SLC10A3: variants seen among roughly 807,000 people sequenced by gnomAD.
SLC10A3 encodes solute carrier family 10 member 3, also known as P3 protein.
Under a neutral mutation model 1.9 loss-of-function variants are expected in SLC10A3, and 1 was observed. That is an observed-to-expected ratio of 0.52 (90% CI 0.19 to 2.48). The LOEUF (loss-of-function observed/expected upper bound fraction) is 2.48. Among genes scored for constraint, SLC10A3 ranks in the 30% most tolerant of loss-of-function variants. SLC10A3 has a pLI of 0.25. For missense variants in SLC10A3, 317 were observed against 398.5 expected, an observed-to-expected ratio of 0.80 and a Z score of 1.74; for synonymous variants, 202 against 189.3, an observed-to-expected ratio of 1.07 and a Z score of -0.55.
chrX:154,490,228 C>T (rs2069366114), intron 1 of SLC10A3, 79 bp downstream of exon 1: 2 of 889,811 alleles, frequency 2.2e-6, no homozygotes, highest in African/African-American at 2.1e-5. Context: ...ACCCACAAGG[C>T]AGGGGAGGGA....
intron 1 of SLC10A3, 105 bp downstream of exon 1, chrX:154,490,202 G>A (rs2069365724): frequency 2.2e-6 from 2 of 909,122 alleles, no homozygotes; most frequent in Admixed American, 6.2e-5. Flanking sequence ...GGGGCCGACA[G>A]AGTTTGAGCA....
Position 154,488,317 on chromosome X carries a change from C to T in SLC10A3, c.624G>A (p.Gly208=). Residue 208 remains glycine, a synonymous_variant, in exon 2 of 2, where the codon GGG becomes GGA. Transcript: ENST00000651600. ...PLIFVNKCSF[G]CKVELEVLKG... is the part of the protein sequence containing the mutation. ...TCAGAACCTCGAGTTCCACTTTGCA[C>T]CCAAACGAACACTTGTTGACAAAGA... The T allele has an allele frequency of 8.3e-7, 1 of 1,211,380 alleles. No homozygotes were observed. The highest frequency in any genetic ancestry group is 1.1e-6 in the Non-Finnish European group (1 of 895,471).
chrX:154,490,114 C>A, intron 1 of SLC10A3, 193 bp downstream of exon 1: 1 of 944,735 alleles, frequency 1.1e-6, no homozygotes, highest in East Asian at 4.2e-5. Flanking sequence ...ACCCCATGCC[C>A]CATCCCTCCA....
chrX:154,488,040 G>A lies in SLC10A3; in HGVS notation c.901C>T (p.Leu301=), dbSNP rs148894255. Residue 301 remains leucine (L), a synonymous_variant, in exon 2 of 2, where the codon CTG becomes TTG. Transcript: ENST00000651600. ...AGGCGGCTGTAGATGGCCGAAGACA[G>A]AGGCAAGAAGCCAGTGGCAGCCACC... ...STVAATGFLP[L]SSAIYSRLLS... 2 of 1,211,459 alleles carry A rather than the reference G, an allele frequency of 1.7e-6. No individual in the cohort carries two copies. Among genetic ancestry groups the A allele is most frequent in the Non-Finnish European group, 2.2e-6 (2 of 895,429 alleles).
rs1557213175 is a variant in SLC10A3, at chrX:154,487,365, T to C, written c.*142A>G. On this transcript the variant is annotated 3_prime_UTR_variant, in exon 2 of 2. Transcript: ENST00000651600. Reference sequence around the variant, plus strand: ...TCTGGGCAGCGCCCACCTACCTAACTCAGCATGGCCTCTTTGGCACTGAAA... The same window carrying C: ...TCTGGGCAGCGCCCACCTACCTAACCCAGCATGGCCTCTTTGGCACTGAAA... 11 of 786,931 alleles carry C rather than the reference T, an allele frequency of 1.4e-5. No homozygotes were observed. Among genetic ancestry groups the C allele is most frequent in the Non-Finnish European group, 1.8e-6 (1 of 556,823 alleles). 64.9% of individuals were successfully genotyped at this position (786,931 alleles called of 1,213,427 possible). A position where few individuals can be genotyped will look rare whatever the true frequency, so the allele number is the denominator to read the frequency against.
intron 1 of SLC10A3, 50 bp downstream of exon 1, chrX:154,490,257 C>G: frequency 1.2e-6 from 1 of 854,923 alleles, no homozygotes. Flanking sequence ...CCTTCCAAAA[C>G]GGCCAAGTGT....
rs2069351834 is a variant in SLC10A3, at chrX:154,489,092, T to C, written c.-142-10A>G. Reference sequence around the variant, plus strand: ...GATGGCAGGGCTGTCCCTGAGGAGGTAAGGGACACAGAGAGGCAGCTGGTG... The same window carrying C: ...GATGGCAGGGCTGTCCCTGAGGAGGCAAGGGACACAGAGAGGCAGCTGGTG... On this transcript the variant is annotated splice_polypyrimidine_tract_variant and intron_variant, in intron 1 of 1. Coordinates refer to ENST00000651600, the MANE Select transcript of SLC10A3 (RefSeq NM_019848.5). The C allele has an allele frequency of 8.6e-7, 1 of 1,162,244 alleles. No homozygotes were observed. The highest frequency in any genetic ancestry group is 1.1e-6 in the Non-Finnish European group (1 of 870,099).
chrX:154,488,593 G>A lies in SLC10A3; in HGVS notation c.348C>T (p.Thr116=). 8.3e-7 allele frequency: 1 copy of A among 1,211,254 alleles called. No homozygotes were observed. The highest frequency in any genetic ancestry group is 1.1e-6 in the Non-Finnish European group (1 of 895,236). ...RVTSLDTEVL[T]IKNVSAITWG... is the part of the protein sequence containing the mutation. ...AGGTTATAGCACTCACGTTCTTGAT[G>A]GTCAGCACCTCTGTGTCCAGGGAGG... Residue 116 remains threonine, a synonymous_variant, in exon 2 of 2, where the codon ACC becomes ACT. Transcript: ENST00000651600.
chrX:154,490,038 G>C (rs1371607250), intron 1 of SLC10A3: 2 of 1,018,353 alleles, frequency 2.0e-6, no homozygotes, highest in Non-Finnish European at 2.5e-6. Flanking sequence ...CTAAGATGAA[G>C]GCACCAGGAC....
Position 154,490,100 on chromosome X carries a change from A to G in SLC10A3, c.-143+207T>C, listed in dbSNP as rs782508431. The G allele has an allele frequency of 3.3e-5, 31 of 950,585 alleles. No homozygotes were observed. In the South Asian group the frequency reaches 5.1e-4, roughly 16 times the overall value. The allele number at this position is 950,585 out of a possible 1,213,427, so 78.3% of individuals were successfully genotyped here. A position where few individuals can be genotyped will look rare whatever the true frequency, so the allele number is the denominator to read the frequency against. The stretch of plus-strand genomic sequence containing the variant: ...GCTCAGAAGGGAAAGGCTAGGGGCC[A>G]TCCACCCCATGCCCCATCCCTCCAG... On this transcript the variant is annotated intron_variant, in intron 1 of 1. Transcript: ENST00000651600.
chrX:154,488,948 C>A lies in SLC10A3; in HGVS notation c.-8G>T. 8.3e-7 allele frequency: 1 copy of A among 1,202,052 alleles called. No homozygotes were observed. The highest frequency in any genetic ancestry group is 1.1e-6 in the Non-Finnish European group (1 of 890,490). ...GTCCTGCATTAACACCATGGCTCTT[C>A]CTGGAGGACGGATGGCGTGCCCAGG... On this transcript the variant is annotated 5_prime_UTR_variant, in exon 2 of 2. Coordinates refer to ENST00000651600, the MANE Select transcript of SLC10A3 (RefSeq NM_019848.5).
intron 1 of SLC10A3, chrX:154,489,550 A>G (rs1376293178): frequency 2.7e-6 from 2 of 752,543 alleles, no homozygotes; most frequent in Non-Finnish European, 3.1e-6. Context: ...GCTCCTTCCC[A>G]TGCCCACATG....
chrX:154,490,487 G>T lies in SLC10A3; in HGVS notation c.-323C>A. The T allele has an allele frequency of 3.0e-6, 1 of 335,103 alleles. No individual in the cohort carries two copies. Among genetic ancestry groups the T allele is most frequent in the Non-Finnish European group, 3.9e-6 (1 of 256,694 alleles). 27.6% of individuals were successfully genotyped at this position (335,103 alleles called of 1,213,427 possible). On this transcript the variant is annotated 5_prime_UTR_variant, in exon 1 of 2. Transcript: ENST00000651600. Reference sequence around the variant, plus strand: ...CGGCCCCGCCAGGCCTCGCAAACGCGCGGCGGCGGCGGCGGCCCTTCCCTG... The same window carrying T: ...CGGCCCCGCCAGGCCTCGCAAACGCTCGGCGGCGGCGGCGGCCCTTCCCTG...
rs782816780 is a variant in SLC10A3 at position 154,488,696 on chromosome X, C to G, written c.245G>C (p.Ser82Thr). ...SVMEFEFPEDSEGIIVISSQY... is the reference protein window; with the variant it reads ...SVMEFEFPEDTEGIIVISSQY... Reference sequence around the variant, plus strand: ...GCTGGAGATCACGATGATGCCCTCACTGTCCTCAGGAAACTCAAACTCCAT... The same window carrying G: ...GCTGGAGATCACGATGATGCCCTCAGTGTCCTCAGGAAACTCAAACTCCAT... The change falls in exon 2 of 2, where the codon AGT (serine) becomes ACT (threonine). Residue 82 changes from serine to threonine, a missense_variant. Transcript: ENST00000651600. The G allele has an allele frequency of 8.3e-7, 1 of 1,210,372 alleles. No individual in the cohort carries two copies. The highest frequency in any genetic ancestry group is 3.0e-5 in the East Asian group (1 of 33,786).
chrX:154,487,930 G>T lies in SLC10A3; in HGVS notation c.1011C>A (p.Gly337=). Residue 337 remains glycine (G), a synonymous_variant, in exon 2 of 2, where the codon GGC becomes GGA. Transcript: ENST00000651600. ...LLFIAIPIAV[G]VLIKSKLPKF... is the part of the protein sequence containing the mutation. Reference sequence around the variant, plus strand: ...TGGGGAGCTTGGACTTGATCAGCACGCCCACGGCTATGGGGATGGCAATGA... The same window carrying T: ...TGGGGAGCTTGGACTTGATCAGCACTCCCACGGCTATGGGGATGGCAATGA... 8.3e-7 allele frequency: 1 copy of T among 1,211,394 alleles called. No homozygotes were observed.
chrX:154,489,871 C>T, intron 1 of SLC10A3: 1 of 986,471 alleles, frequency 1.0e-6, no homozygotes, highest in Non-Finnish European at 1.3e-6. Context: ...AAAGGCTCAT[C>T]CCGGCGAGCC....
chrX:154,490,304 T>C lies in SLC10A3; in HGVS notation c.-143+3A>G, dbSNP rs1030788236. Reference sequence around the variant, plus strand: ...GGCAGTGCTAACAGGGGCTCCTCCCTACCTGGGAGTCCGGAAGTTGTCGGA... The same window carrying C: ...GGCAGTGCTAACAGGGGCTCCTCCCCACCTGGGAGTCCGGAAGTTGTCGGA... On this transcript the variant is annotated splice_donor_region_variant and intron_variant, in intron 1 of 1. Coordinates refer to ENST00000651600, the MANE Select transcript of SLC10A3 (RefSeq NM_019848.5). 46 of 791,049 alleles carry C rather than the reference T, an allele frequency of 5.8e-5. No homozygotes were observed. Among genetic ancestry groups the C allele is most frequent in the Non-Finnish European group, 6.8e-5 (45 of 664,113 alleles). The allele number at this position is 791,049 out of a possible 1,213,427, so 65.2% of individuals were successfully genotyped here.
chrX:154,488,155 G>A lies in SLC10A3; in HGVS notation c.786C>T (p.Cys262=), dbSNP rs782454872. 2 of 1,211,545 alleles carry A rather than the reference G, an allele frequency of 1.7e-6. No individual in the cohort carries two copies. Among genetic ancestry groups the A allele is most frequent in the Non-Finnish European group, 2.2e-6 (2 of 895,434 alleles). ...AGCTCCCCCCGCCGCCAGGCGACGA[G>A]CAGGTGATGATGAGGCCCAGAGCCA... ...KALALGLIIT[C]SSPGGGGSYL... The change falls in exon 2 of 2, where the codon TGC becomes TGT. Residue 262 remains cysteine, a synonymous_variant. Coordinates refer to ENST00000651600, the MANE Select transcript of SLC10A3 (RefSeq NM_019848.5).
At position 154,488,770 on chromosome X, in the gene SLC10A3, G is replaced by C. The variant is rs782590930; in HGVS notation, c.171C>G (p.Thr57=). 4 of 1,211,287 alleles carry C rather than the reference G, an allele frequency of 3.3e-6. No homozygotes were observed. In the South Asian group the frequency reaches 7.0e-5, roughly 21 times the overall value. ...STSLSTAGGH[T]VPPTGGRYLS... Reference sequence around the variant, plus strand: ...AGTAGCGGCCCCCAGTCGGTGGCACGGTGTGACCCCCAGCAGTGCTGAGGC... The same window carrying C: ...AGTAGCGGCCCCCAGTCGGTGGCACCGTGTGACCCCCAGCAGTGCTGAGGC... The change falls in exon 2 of 2, where the codon ACC becomes ACG. Residue 57 remains threonine, a synonymous_variant. Coordinates refer to ENST00000651600, the MANE Select transcript of SLC10A3 (RefSeq NM_019848.5).
Sources: gnomAD v4.1 joint callset for allele counts on GRCh38, gnomAD v4.1.1 for gene constraint, MANE v1.5 for transcripts, NCBI Gene and HGNC (gene_info 2026-07-23, HGNC 2026-07-21) for gene names.